Variants in RUFY3 observed in about 807,000 individuals in gnomAD.
The protein encoded by RUFY3 is RUN and FYVE domain containing 3, also known as protein RUFY3.
RUFY3 carries 34 observed loss-of-function variants against 84.0 expected under a neutral mutation model. The observed-to-expected ratio is 0.40, with a 90% CI of 0.31 to 0.54. The LOEUF (loss-of-function observed/expected upper bound fraction) is 0.54, where lower values mean the gene tolerates loss of function less well. RUFY3 is among the 20% of genes least tolerant of loss of function. RUFY3 has a pLI of 0.39. For missense variants in RUFY3, 507 were observed against 736.8 expected, an observed-to-expected ratio of 0.69 and a Z score of 3.61; for synonymous variants, 242 against 252.9, an observed-to-expected ratio of 0.96 and a Z score of 0.41.
At chr4:70,789,415 C>T in intron 11 of RUFY3, 80 bp from the exon 12 acceptor site, 1 of 1,287,240 alleles carries the variant, frequency 7.8e-7, no homozygotes, top group South Asian at 1.4e-5. Context: ...TTCCCACTTA[C>T]CATTAGATTC....
At chr4:70,734,351 T>A (rs1246313987) in intron 1 of RUFY3, 1 of 962,554 alleles carries the variant, frequency 1.0e-6, no homozygotes, top group Non-Finnish European at 1.2e-6. Context: ...CTTTTGTAAT[T>A]GGCCCTTGGT....
At chr4:70,744,489 C>T (rs542146443) in intron 1 of RUFY3, among the ~76,000 whole-genome samples, 9 of 152,128 alleles carry the variant, frequency 5.9e-5, no homozygotes, top group African/African-American at 2.2e-4. Context: ...GCTTGAGCCA[C>T]CGAACCCGGC....
At chr4:70,745,326 A>G (rs2148658362) in intron 1 of RUFY3, among the ~76,000 whole-genome samples, 1 of 152,334 alleles carries the variant, frequency 6.6e-6, no homozygotes, top group Non-Finnish European at 1.5e-5. Context: ...GTGTCTTCTT[A>G]GGGTACAATT....
chr4:70,740,167 GT>G (rs750841099), intron 1 of RUFY3, among the ~76,000 whole-genome samples: 17 of 152,232 alleles, frequency 1.1e-4, no homozygotes, highest in Admixed American at 2.0e-4. Flanking sequence ...AGAATGGCAT[GT>G]TACCTATTGT....
Position 70,763,680 on chromosome 4 carries a change from G to A in RUFY3, c.470+11G>A, listed in dbSNP as rs746599514. Reference sequence around the variant, plus strand: ...TCTTCCAGGACTTAAGTAAGTCTAAGGTTGAATTCCATTTCTCAGGAACAG... The same window carrying A: ...TCTTCCAGGACTTAAGTAAGTCTAAAGTTGAATTCCATTTCTCAGGAACAG... On this transcript the variant is annotated intron_variant, in intron 3 of 17. Coordinates refer to ENST00000381006, the MANE Select transcript of RUFY3 (RefSeq NM_001037442.4). 1 of 1,602,610 alleles carries A rather than the reference G, an allele frequency of 6.2e-7. No homozygotes were observed. Among genetic ancestry groups the A allele is most frequent in the Non-Finnish European group, 8.5e-7 (1 of 1,176,356 alleles).
At chr4:70,789,791 T>C (rs1362470446) in intron 12 of RUFY3, 199 bp downstream of exon 12, 1 of 1,229,906 alleles carries the variant, frequency 8.1e-7, no homozygotes, top group Non-Finnish European at 1.0e-6. Flanking sequence ...TGTCAATCAC[T>C]TGACTAGCCT....
intron 8 of RUFY3, among the ~76,000 whole-genome samples, chr4:70,780,075 A>T (rs1369222702): frequency 6.6e-6 from 1 of 152,092 alleles, no homozygotes; most frequent in Non-Finnish European, 1.5e-5. Context: ...AAATTTTTAA[A>T]TTTTATATAT....
rs532612395 is a variant in RUFY3, at chr4:70,763,787, A to T, written c.470+118A>T. 2.1e-5 allele frequency: 26 copies of T among 1,251,752 alleles called. No individual in the cohort carries two copies. The South Asian group carries it at 3.8e-4, about 18-fold the overall frequency. The allele number at this position is 1,251,752 out of a possible 1,614,324, so 77.5% of individuals were successfully genotyped here. ...TTTATTTTATAACAATCCAAAATGC[A>T]TGATGTCATGAATAGGTGCTGACAG... is the stretch of plus-strand genomic sequence containing the variant. On this transcript the variant is annotated intron_variant, in intron 3 of 17. Transcript: ENST00000381006.
chr4:70,710,102 A>G (rs763489866), intron 1 of RUFY3, among the ~76,000 whole-genome samples: 3 of 152,230 alleles, frequency 2.0e-5, no homozygotes. Context: ...TGACAGATGC[A>G]CTTGAAAAAT....
At chr4:70,720,738 A>G (rs1036387725), upstream of RUFY3, among the ~76,000 whole-genome samples, 1 of 152,294 alleles carries the variant, frequency 6.6e-6, no homozygotes, top group East Asian at 1.9e-4. Context: ...GAACCCTTCA[A>G]TACAAAAACA....
chr4:70,727,746 C>T (rs1184961188), intron 1 of RUFY3, among the ~76,000 whole-genome samples: 2 of 148,792 alleles, frequency 1.3e-5, no homozygotes, highest in Admixed American at 1.3e-4. Context: ...GAGATCGTGC[C>T]ACTGCACTCC....
At chr4:70,738,289 T>C (rs1333714901) in intron 1 of RUFY3, among the ~76,000 whole-genome samples, 1 of 146,454 alleles carries the variant, frequency 6.8e-6, no homozygotes, top group East Asian at 2.1e-4. Context: ...ACGCCCAGCC[T>C]TAATTCCTTG....
intron 14 of RUFY3, among the ~76,000 whole-genome samples, chr4:70,797,460 AGAGT>A (rs1190344598): frequency 6.6e-6 from 1 of 152,176 alleles, no homozygotes; most frequent in African/African-American, 2.4e-5. Flanking sequence ...AAATTTCTAG[AGAGT>A]GAGCTGCTAA....
chr4:70,722,322 A>G lies in RUFY3; in HGVS notation c.-252A>G, dbSNP rs1207453286. The G allele has an allele frequency of 8.9e-6, 11 of 1,234,926 alleles. No individual in the cohort carries two copies. Among genetic ancestry groups the G allele is most frequent in the African/African-American group, 3.1e-5 (2 of 64,576 alleles). The allele number at this position is 1,234,926 out of a possible 1,614,324, so 76.5% of individuals were successfully genotyped here. A position where few individuals can be genotyped will look rare whatever the true frequency, so the allele number is the denominator to read the frequency against. On this transcript the variant is annotated 5_prime_UTR_variant, in exon 1 of 18. Coordinates refer to ENST00000381006, the MANE Select transcript of RUFY3 (RefSeq NM_001037442.4). ...AGGAAGCTGGGAGAAGACAAGCATC[A>G]TCTTATTTTGCTATGTGGTAGGAAC...
chr4:70,715,964 T>A (rs1025589862), intron 1 of RUFY3, among the ~76,000 whole-genome samples: 2 of 151,754 alleles, frequency 1.3e-5, no homozygotes, highest in Admixed American at 1.3e-4. Flanking sequence ...ATATAAAAAA[T>A]TAGCCAGGCA....
At chr4:70,764,620 T>C in intron 4 of RUFY3, 44 bp downstream of exon 4, 1 of 1,168,006 alleles carries the variant, frequency 8.6e-7, no homozygotes, top group Non-Finnish European at 1.3e-6. Context: ...TGGTATGTTC[T>C]ACATCGTATA....
rs149653894 is a variant in RUFY3 at position 70,768,549 on chromosome 4, A to G, written c.584A>G (p.Glu195Gly). ...GATTTCTCTTACAGTGAATTCTACG[A>G]ACCCAATGCCCTCATGATGGAAGAA... ...NKKELLSEFYEPNALMMEEEG... is the reference protein window; with the variant it reads ...NKKELLSEFYGPNALMMEEEG... The change falls in exon 5 of 18, where the codon GAA (glutamate) becomes GGA (glycine). Residue 195 changes from glutamate (E) to glycine (G), a missense_variant. Physicochemically the swap from Glu to Gly is moderately conservative, Grantham distance 98. Coordinates refer to ENST00000381006, the MANE Select transcript of RUFY3 (RefSeq NM_001037442.4). 4 of 1,613,740 alleles carry G rather than the reference A, an allele frequency of 2.5e-6. No homozygotes were observed. The highest frequency in any genetic ancestry group is 3.4e-6 in the Non-Finnish European group (4 of 1,179,936).
At chr4:70,796,067 C>T (rs1731461664) in intron 14 of RUFY3, among the ~76,000 whole-genome samples, 1 of 152,062 alleles carries the variant, frequency 6.6e-6, no homozygotes, top group South Asian at 2.1e-4. Flanking sequence ...TGGCACATGC[C>T]TCTAGTCTCT....
chr4:70,787,248 A>G (rs1302683023), intron 10 of RUFY3, among the ~76,000 whole-genome samples: 1 of 137,956 alleles, frequency 7.2e-6, no homozygotes, highest in Non-Finnish European at 1.6e-5. Context: ...ATAATTTTAG[A>G]TTTATTTATT....
Sources: allele counts gnomAD v4.1 joint callset (sites outside exome capture counted in the v4.1 genomes callset), GRCh38; gene constraint gnomAD v4.1.1; transcripts MANE v1.5; gene names NCBI Gene and HGNC (gene_info 2026-07-23, HGNC 2026-07-21).